Variants in PIP5K1C observed in about 807,000 individuals in gnomAD.
The protein encoded by PIP5K1C is phosphatidylinositol 4-phosphate 5-kinase type-1 gamma.
A neutral mutation model predicts 80.1 loss-of-function variants in PIP5K1C; 45 were observed. The ratio of observed to expected loss-of-function variants is 0.56; its 90% CI spans 0.44 to 0.72. The LOEUF is 0.72. PIP5K1C is among the 30% of genes least tolerant of loss of function. The probability of loss-of-function intolerance (pLI) is 0.00; values close to 1 mark genes in which losing one functional copy is unlikely to be tolerated. For missense variants in PIP5K1C, 753 were observed against 954.6 expected, an observed-to-expected ratio of 0.79 and a Z score of 2.78; for synonymous variants, 498 against 420.1, an observed-to-expected ratio of 1.19 and a Z score of -2.27.
intron 8 of PIP5K1C, among the ~76,000 whole-genome samples, chr19:3,650,692 C>T (rs1488816699): frequency 6.6e-6 from 1 of 152,270 alleles, no homozygotes; most frequent in African/African-American, 2.4e-5. Flanking sequence ...GTCCAGCAGA[C>T]ATGACTGCAG....
rs556931990 is a variant in PIP5K1C at position 3,637,473 on chromosome 19, G to A, written c.1920+1411C>T. 683 of 1,535,696 alleles carry A rather than the reference G, an allele frequency of 4.4e-4. 9 individuals are homozygous for A. In the East Asian group the frequency reaches 0.015, roughly 35 times the overall value. On this transcript the variant is annotated intron_variant, in intron 16 of 17. Coordinates refer to ENST00000335312, the MANE Select transcript of PIP5K1C (RefSeq NM_012398.3). The surrounding 1 kb of genome is among the most constrained non-coding windows in gnomAD (Gnocchi z 7.0). ...ACTGAGCTTCCGGCCGGGGACCTGC[G>A]GCTCCCTGCTGCCCGAGGGGCACTG... is the stretch of plus-strand genomic sequence containing the variant.
In PIP5K1C at chr19:3,687,590, T is replaced by C. The variant is rs1229483493; in HGVS notation, c.94+12707A>G. Reference sequence around the variant, plus strand: ...ACATGCACACGCACACACATGCAGATACACACATGCATACACGCACACACA... The same window carrying C: ...ACATGCACACGCACACACATGCAGACACACACATGCATACACGCACACACA... On this transcript the variant is annotated intron_variant, in intron 1 of 17. Transcript: ENST00000335312. Among the ~76,000 whole-genome samples the C allele has an allele frequency of 8.8e-5, 13 of 148,450 alleles. 1 individual carries two copies. Among genetic ancestry groups the C allele is most frequent in the Admixed American group, 6.7e-5 (1 of 14,918 alleles).
intron 5 of PIP5K1C, among the ~76,000 whole-genome samples, chr19:3,657,218 C>T (rs2034662427): frequency 6.6e-6 from 1 of 152,182 alleles, no homozygotes; most frequent in African/African-American, 2.4e-5. Flanking sequence ...GATGTGCTCG[C>T]TGTCTCTCTG....
chr19:3,672,257 A>G (rs958984466), intron 1 of PIP5K1C, among the ~76,000 whole-genome samples: 2 of 152,232 alleles, frequency 1.3e-5, no homozygotes, highest in Non-Finnish European at 2.9e-5. Context: ...CTCTGCACCC[A>G]GCTGTTCCCT....
At chr19:3,697,531 C>T (rs1178154509) in intron 1 of PIP5K1C, among the ~76,000 whole-genome samples, 4 of 152,084 alleles carry the variant, frequency 2.6e-5, no homozygotes. Context: ...CCCGGGAGGA[C>T]CAAGCTGGAC....
intron 1 of PIP5K1C, among the ~76,000 whole-genome samples, chr19:3,685,557 C>A (rs1441171386): frequency 1.3e-5 from 2 of 151,982 alleles, no homozygotes; most frequent in Admixed American, 1.3e-4. Context: ...GGTGAAACCC[C>A]GTCTCTACTA....
chr19:3,677,768 A>AG (rs2035411164), intron 1 of PIP5K1C, among the ~76,000 whole-genome samples: 3 of 75,628 alleles, frequency 4.0e-5, no homozygotes, highest in East Asian at 4.3e-4. Flanking sequence ...TGGAGGATGG[A>AG]GGATGGAGGG....
At position 3,696,887 on chromosome 19, in the gene PIP5K1C, G is replaced by C. The variant is rs542855554; in HGVS notation, c.94+3410C>G. Among the ~76,000 whole-genome samples, 3 of 152,296 alleles carry C rather than the reference G, an allele frequency of 2.0e-5. No homozygotes were observed. The East Asian group carries it at 5.8e-4, about 29-fold the overall frequency. On this transcript the variant is annotated intron_variant, in intron 1 of 17. Transcript: ENST00000335312. The surrounding 1 kb of genome is among the most constrained non-coding windows in gnomAD (Gnocchi z 4.1). ...GGGACTCGGGCCGCTGGTTTTTAATGGGGTCCTCCTGGAATGTGGGACAGG... is the reference window on the plus strand; with the variant it reads ...GGGACTCGGGCCGCTGGTTTTTAATCGGGTCCTCCTGGAATGTGGGACAGG...
rs547331820 is a variant in PIP5K1C, at chr19:3,633,452, G to A, written c.1989C>T (p.Asp663=). Residue 663 remains aspartate (D), a synonymous_variant, in exon 17 of 18, where the codon GAC becomes GAT. Transcript: ENST00000335312. ...HYSAQAPPAS[D]GESDT is the part of the protein sequence containing the mutation. The stretch of plus-strand genomic sequence containing the variant: ...CTGCACTTACTGTGTCGCTCTCGCC[G>A]TCGGAGGCCGGGGGGGCCTGGGCGC... The A allele has an allele frequency of 1.1e-5, 17 of 1,500,642 alleles. No homozygotes were observed. Among genetic ancestry groups the A allele is most frequent in the Middle Eastern group, 1.9e-4 (1 of 5,348 alleles). 93.0% of individuals were successfully genotyped at this position (1,500,642 alleles called of 1,614,324 possible).
At position 3,636,828 on chromosome 19, in the gene PIP5K1C, C is replaced by T. The variant is rs79441415; in HGVS notation, c.1920+2056G>A. 5.9e-4 allele frequency: 580 copies of T among 988,370 alleles called. 2 individuals carry two copies. The African/African-American group carries it at 9.5e-3, about 16-fold the overall frequency. The allele number at this position is 988,370 out of a possible 1,614,324, so 61.2% of individuals were successfully genotyped here. ...GGGTCTGCGCCCCGTTCTGGCTGTGCGGTGCTGGGCAGGTCTCTTAGGCTC... is the reference window on the plus strand; with the variant it reads ...GGGTCTGCGCCCCGTTCTGGCTGTGTGGTGCTGGGCAGGTCTCTTAGGCTC... On this transcript the variant is annotated intron_variant, in intron 16 of 17. Transcript: ENST00000335312.
At chr19:3,666,611 G>A (rs554347183) in intron 2 of PIP5K1C, among the ~76,000 whole-genome samples, 32 of 150,898 alleles carry the variant, frequency 2.1e-4, no homozygotes, top group Admixed American at 1.8e-3. Context: ...GTGCACACAC[G>A]CACGTAGGCA....
Position 3,639,088 on chromosome 19 carries a change from G to A in PIP5K1C, c.1788-72C>T. ...GGAGACTCCCCGCGCCCCCACTCAG[G>A]ACCCAGGCAGGGGCTTCATACGGTC... On this transcript the variant is annotated intron_variant, in intron 15 of 17. Coordinates refer to ENST00000335312, the MANE Select transcript of PIP5K1C (RefSeq NM_012398.3). The A allele has an allele frequency of 1.3e-6, 2 of 1,556,590 alleles. 1 individual carries two copies. Among genetic ancestry groups the A allele is most frequent in the South Asian group, 2.2e-5 (2 of 88,918 alleles).
rs565752985 is a variant in PIP5K1C at position 3,687,616 on chromosome 19, C to T, written c.94+12681G>A. Among the ~76,000 whole-genome samples the T allele has an allele frequency of 3.6e-4, 55 of 151,908 alleles. No individual in the cohort carries two copies. The South Asian group carries it at 3.8e-3, about 10-fold the overall frequency. ...ACACACATGCATACACGCACACACA[C>T]GCACAGGCCCTCAGAGGACACCACA... On this transcript the variant is annotated intron_variant, in intron 1 of 17. Coordinates refer to ENST00000335312, the MANE Select transcript of PIP5K1C (RefSeq NM_012398.3).
At chr19:3,678,098 AG>A in intron 1 of PIP5K1C, among the ~76,000 whole-genome samples, 1 of 102,186 alleles carries the variant, frequency 9.8e-6, no homozygotes, top group African/African-American at 3.9e-5. Flanking sequence ...TGGAGGAGGG[AG>A]GGAGAATGGA....
intron 16 of PIP5K1C, 93 bp downstream of exon 16, chr19:3,638,791 G>A: frequency 6.6e-7 from 1 of 1,523,834 alleles, no homozygotes; most frequent in Non-Finnish European, 9.0e-7. Flanking sequence ...GTGCCTGTGT[G>A]CAGGTGTGTG....
In PIP5K1C at chr19:3,633,330, C is replaced by T. The variant is rs2033527103; in HGVS notation, c.2004+107G>A. 2.4e-5 allele frequency: 20 copies of T among 840,462 alleles called. No homozygotes were observed. The South Asian group carries it at 3.4e-4, about 14-fold the overall frequency. 52.1% of individuals were successfully genotyped at this position (840,462 alleles called of 1,614,324 possible). The stretch of plus-strand genomic sequence containing the variant: ...AGGGTGGAGCTCTGGGCCACCTGTG[C>T]CCTCCCGCCCCGGGCCTCAGTCCCT... On this transcript the variant is annotated intron_variant, in intron 17 of 17. Transcript: ENST00000335312.
intron 3 of PIP5K1C, 54 bp downstream of exon 3, chr19:3,664,768 C>G: frequency 7.1e-7 from 1 of 1,404,662 alleles, no homozygotes; most frequent in Non-Finnish European, 1.0e-6. Flanking sequence ...GTGGGATCCC[C>G]CTCCCCTCTG....
intron 15 of PIP5K1C, among the ~76,000 whole-genome samples, chr19:3,639,614 T>A (rs1015870270): frequency 1.3e-5 from 2 of 151,642 alleles, no homozygotes; most frequent in African/African-American, 2.4e-5. Context: ...TTTTTTTTTT[T>A]AGAGATGGGG....
At chr19:3,647,472 A>C in intron 9 of PIP5K1C, 86 bp from the exon 10 acceptor site, 1 of 1,156,320 alleles carries the variant, frequency 8.6e-7, no homozygotes, top group Non-Finnish European at 1.3e-6. Context: ...TGCACCCCCC[A>C]GGACACTGGG....
Sources: allele counts gnomAD v4.1 joint callset (sites outside exome capture counted in the v4.1 genomes callset), GRCh38; gene constraint gnomAD v4.1.1; non-coding constraint Gnocchi (gnomAD v3.1); transcripts MANE v1.5; gene names NCBI Gene and HGNC (gene_info 2026-07-23, HGNC 2026-07-21).